ZNF846: variants seen among roughly 807,000 people sequenced by gnomAD.
The protein encoded by ZNF846 is zinc finger protein 846.
Under a neutral mutation model 16.0 loss-of-function variants are expected in ZNF846, and 15 were observed. That is an observed-to-expected ratio of 0.94 (90% confidence interval 0.63 to 1.45). ZNF846 has a LOEUF of 1.45. ZNF846 is among the 40% of genes most tolerant of loss of function. The probability of loss-of-function intolerance (pLI) is 0.00; values close to 1 mark genes in which losing one functional copy is unlikely to be tolerated. For missense variants in ZNF846, 714 were observed against 622.3 expected (o/e 1.15, Z -1.57); for synonymous variants, 229 against 212.0 (o/e 1.08, Z -0.70).
At chr19:9,765,027 A>G in exon 2 of ZNF846, 1 of 1,528,384 alleles carries the variant, frequency 6.5e-7, no homozygotes, top group Admixed American at 1.7e-5. Flanking sequence ...GTGTCCTGGA[A>G]AAAATGACCT....
intron 1 of ZNF846, among the ~76,000 whole-genome samples, chr19:9,778,439 A>G (rs796500416): frequency 3.3e-5 from 5 of 152,242 alleles, no homozygotes; most frequent in African/African-American, 1.2e-4. Flanking sequence ...AATCATCCCC[A>G]TTGGAAATCA....
chr19:9,752,570 G>T (rs145807294), downstream of ZNF846: 825 of 142,184 alleles, frequency 5.8e-3, 2 homozygotes, highest in Admixed American at 8.7e-3. Flanking sequence ...AGTGGAGATT[G>T]TTCCACTGCA....
chr19:9,765,390 A>G (rs933398772), intron 1 of ZNF846, among the ~76,000 whole-genome samples: 1 of 151,720 alleles, frequency 6.6e-6, no homozygotes, highest in Non-Finnish European at 1.5e-5. Context: ...ACAAAAAAGT[A>G]GGCCAGGCAC....
At chr19:9,775,026 C>A in intron 1 of ZNF846, 1 of 1,397,188 alleles carries the variant, frequency 7.2e-7, no homozygotes, top group Non-Finnish European at 9.9e-7. Context: ...AGACACCCGG[C>A]AAAGCAGGAC....
rs567943791 is a variant in ZNF846, at chr19:9,767,616, T to TA, written c.-86+672dup. On this transcript the variant is annotated intron_variant, in intron 1 of 5. Transcript: ENST00000397902. ...GGGCAACAAACCAAGACCCTGTCTT[T>TA]AAAACGTAAATAAATAAATAAAAAT... is the stretch of plus-strand genomic sequence containing the variant. 1.9e-3 allele frequency among the ~76,000 whole-genome samples: 294 copies of TA among 152,044 alleles called. 1 individual carries two copies. Among genetic ancestry groups the TA allele is most frequent in the Middle Eastern group, 6.8e-3 (2 of 294 alleles).
chr19:9,774,007 T>A (rs1053722720), intron 1 of ZNF846, among the ~76,000 whole-genome samples: 3 of 152,146 alleles, frequency 2.0e-5, no homozygotes, highest in Admixed American at 2.0e-4. Flanking sequence ...ATAAAGATAC[T>A]TAGGTTTAGA....
At chr19:9,775,666 T>C (rs934927144) in intron 1 of ZNF846, among the ~76,000 whole-genome samples, 2 of 152,166 alleles carry the variant, frequency 1.3e-5, no homozygotes, top group African/African-American at 2.4e-5. Context: ...TGTAGGGTAT[T>C]TGAATGATTT....
At chr19:9,779,713 G>A (rs548319083) in intron 1 of ZNF846, among the ~76,000 whole-genome samples, 1 of 151,796 alleles carries the variant, frequency 6.6e-6, no homozygotes, top group South Asian at 2.1e-4. Context: ...TGGGATTACA[G>A]GTGCCCACCA....
chr19:9,753,829 G>A (rs1452512584), downstream of ZNF846, among the ~76,000 whole-genome samples: 1 of 151,590 alleles, frequency 6.6e-6, no homozygotes, highest in Non-Finnish European at 1.5e-5. Flanking sequence ...CTAACACATG[G>A]TTTCTCCTGG....
intron 5 of ZNF846, among the ~76,000 whole-genome samples, chr19:9,759,284 C>T (rs1423109786): frequency 6.6e-6 from 1 of 151,086 alleles, no homozygotes; most frequent in East Asian, 2.0e-4. Context: ...AGGCATTAGC[C>T]ACAATACATC....
downstream of ZNF846, chr19:9,755,584 A>G (rs2045124909): frequency 6.6e-6 from 1 of 150,376 alleles, no homozygotes; most frequent in African/African-American, 2.5e-5. Context: ...GCGGATCACA[A>G]GGTCAGGAGA....
exon 3 of ZNF846, chr19:9,763,393 C>G: frequency 1.2e-6 from 2 of 1,609,672 alleles, no homozygotes; most frequent in Non-Finnish European, 8.5e-7. Context: ...GCCACATCCT[C>G]AAAGGTCACT....
rs140559115 is a variant in ZNF846 at position 9,781,254 on chromosome 19, G to A, written c.-86+4684C>T. Among the ~76,000 whole-genome samples the A allele has an allele frequency of 6.8e-3, 1,031 of 152,262 alleles. 6 individuals carry two copies. The highest frequency in any genetic ancestry group is 0.024 in the Middle Eastern group (7 of 294). On this transcript the variant is annotated intron_variant, in intron 1 of 4. Transcript: ENST00000586814. Reference sequence around the variant, plus strand: ...GAATTCTCCTGCCCCAGCCTCCTGAGTAGCTGGAATTACAGGCATGCACCA... The same window carrying A: ...GAATTCTCCTGCCCCAGCCTCCTGAATAGCTGGAATTACAGGCATGCACCA...
Position 9,757,624 on chromosome 19 carries a change from T to C in ZNF846, c.1453A>G (p.Lys485Glu), listed in dbSNP as rs1203578776. ...AGGTATGTGGAATACCTGAAGGCTT[T>C]CCCACATTCTTTACATGCATAAGGC... Residue 485 changes from lysine (K) to glutamate (E), a missense_variant, in exon 6 of 6, where the codon AAA becomes GAA. By Grantham distance (56) the Lys-to-Glu change is moderately conservative. Coordinates refer to ENST00000397902, the Ensembl canonical transcript of ZNF846. 2.5e-6 allele frequency: 4 copies of C among 1,613,694 alleles called. No individual in the cohort carries two copies. In the East Asian group the frequency reaches 8.9e-5, roughly 36 times the overall value.
chr19:9,752,715 A>G (rs2045096282), downstream of ZNF846, among the ~76,000 whole-genome samples: 1 of 148,714 alleles, frequency 6.7e-6, no homozygotes, highest in South Asian at 2.1e-4. Flanking sequence ...CTGGATATTG[A>G]AGCTTTTTGC....
At chr19:9,775,909 G>A (rs1025499626) in intron 1 of ZNF846, among the ~76,000 whole-genome samples, 4 of 152,158 alleles carry the variant, frequency 2.6e-5, no homozygotes, top group African/African-American at 9.7e-5. Context: ...TTAGTTTGTG[G>A]CAATTACTCT....
At chr19:9,753,837 T>C (rs1033879756), downstream of ZNF846, among the ~76,000 whole-genome samples, 1 of 151,786 alleles carries the variant, frequency 6.6e-6, no homozygotes, top group African/African-American at 2.4e-5. Flanking sequence ...TGGTTTCTCC[T>C]GGAAACTATT....
chr19:9,750,645 C>A (rs1180258958), downstream of ZNF846, among the ~76,000 whole-genome samples: 1 of 152,104 alleles, frequency 6.6e-6, no homozygotes, highest in Non-Finnish European at 1.5e-5. Context: ...CTCATGACAC[C>A]AACATGACAA....
At chr19:9,751,227 C>A (rs149924336), downstream of ZNF846, among the ~76,000 whole-genome samples, 1,327 of 152,112 alleles carry the variant, frequency 8.7e-3, 14 homozygotes, top group African/African-American at 0.031. Context: ...ACAATATCAC[C>A]CCTTACCCCA....
Sources: allele counts gnomAD v4.1 joint callset (sites outside exome capture counted in the v4.1 genomes callset), GRCh38; gene constraint gnomAD v4.1.1; transcripts MANE v1.5; gene names NCBI Gene and HGNC (gene_info 2026-07-23, HGNC 2026-07-21).